DISC1: variants seen among roughly 807,000 people sequenced by gnomAD.
The protein encoded by DISC1 is DISC1 scaffold protein.
Under a neutral mutation model 84.5 loss-of-function variants are expected in DISC1, and 57 were observed. That is an observed-to-expected ratio of 0.67 (90% CI 0.55 to 0.84). The LOEUF is 0.84. Ranked by LOEUF, DISC1 falls within the 40% of genes least tolerant of loss-of-function variation. The pLI is 0.00. For synonymous variants in DISC1, 411 were observed against 415.2 expected (o/e 0.99, Z 0.12); for missense variants, 1,000 against 1,057.8 (o/e 0.95, Z 0.76).
intron 6 of DISC1, among the ~76,000 whole-genome samples, chr1:231,783,959 A>T (rs140399819): frequency 6.6e-6 from 1 of 152,170 alleles, no homozygotes; most frequent in East Asian, 1.9e-4. Flanking sequence ...AAAAGGGTTC[A>T]TGGTCTTATA....
intron 6 of DISC1, among the ~76,000 whole-genome samples, chr1:231,791,674 G>A (rs2078363885): frequency 6.6e-6 from 1 of 152,138 alleles, no homozygotes; most frequent in African/African-American, 2.4e-5. Flanking sequence ...CTAGGGTAAG[G>A]CATAATTTCA....
At chr1:231,816,026 A>C (rs1034158824) in intron 8 of DISC1, among the ~76,000 whole-genome samples, 4 of 152,166 alleles carry the variant, frequency 2.6e-5, no homozygotes, top group African/African-American at 9.7e-5. Context: ...TATACATTGA[A>C]CTTTATGAGA....
At chr1:231,931,588 A>G (rs921200304) in intron 9 of DISC1, among the ~76,000 whole-genome samples, 5 of 151,768 alleles carry the variant, frequency 3.3e-5, no homozygotes, top group Non-Finnish European at 7.4e-5. Flanking sequence ...CTGACACATG[A>G]TGACCCTATC....
chr1:231,927,235 A>G (rs1344015425), intron 9 of DISC1, among the ~76,000 whole-genome samples: 1 of 152,204 alleles, frequency 6.6e-6, no homozygotes, highest in African/African-American at 2.4e-5. Flanking sequence ...ATTTATAGCC[A>G]TGTATTGGCT....
intron 9 of DISC1, among the ~76,000 whole-genome samples, chr1:231,912,828 C>T (rs191315109): frequency 3.2e-4 from 48 of 149,014 alleles, no homozygotes; most frequent in African/African-American, 9.6e-4. Flanking sequence ...TGCTTCCTTC[C>T]TTTCTTCTTC....
At chr1:231,878,106 T>C (rs1305808363) in intron 9 of DISC1, among the ~76,000 whole-genome samples, 3 of 152,256 alleles carry the variant, frequency 2.0e-5, no homozygotes, top group Admixed American at 2.0e-4. Context: ...TTTATTAATA[T>C]TTATTAAGCA....
At chr1:231,632,620 A>G (rs1433807716) in intron 1 of DISC1, among the ~76,000 whole-genome samples, 2 of 152,260 alleles carry the variant, frequency 1.3e-5, no homozygotes, top group Non-Finnish European at 2.9e-5. Flanking sequence ...AAACAGCAGC[A>G]GAGTGATTGT....
At chr1:232,033,891 T>A (rs16856299) in intron 12 of DISC1, among the ~76,000 whole-genome samples, 4,651 of 152,304 alleles carry the variant, frequency 0.031, 248 homozygotes, top group African/African-American at 0.1. Flanking sequence ...GTCACTACTT[T>A]GTCCTCCTGA....
chr1:231,829,315 G>A (rs997778108), intron 9 of DISC1, among the ~76,000 whole-genome samples: 14 of 152,074 alleles, frequency 9.2e-5, no homozygotes, highest in African/African-American at 3.4e-4. Flanking sequence ...TTTAATTCAT[G>A]CCTTGTTTTT....
At chr1:231,934,869 T>C (rs1299788633) in intron 9 of DISC1, among the ~76,000 whole-genome samples, 2 of 152,186 alleles carry the variant, frequency 1.3e-5, no homozygotes, top group Admixed American at 1.3e-4. Context: ...TTCTGGATTG[T>C]GCTTCCTCCA....
At position 231,946,932 on chromosome 1, in the gene DISC1, A is replaced by C. The variant is rs138088037; in HGVS notation, c.1982-11896A>C. Among the ~76,000 whole-genome samples the C allele has an allele frequency of 4.0e-3, 612 of 152,322 alleles. 6 individuals are homozygous for C. The highest frequency in any genetic ancestry group is 0.013 in the African/African-American group (532 of 41,576). ...AAGGACCTCTTCAAGGAAAACTACAAACCACTGCTCAAGGAAATAAGAGAG... is the reference window on the plus strand; with the variant it reads ...AAGGACCTCTTCAAGGAAAACTACACACCACTGCTCAAGGAAATAAGAGAG... On this transcript the variant is annotated intron_variant, in intron 9 of 12. Transcript: ENST00000439617.
At position 231,962,878 on chromosome 1, in the gene DISC1, C is replaced by T. The variant is rs1660576779; in HGVS notation, c.2042+3990C>T. Among the ~76,000 whole-genome samples the T allele has an allele frequency of 1.3e-5, 2 of 152,204 alleles. 1 individual carries two copies. The highest frequency in any genetic ancestry group is 4.1e-4 in the South Asian group (2 of 4,834). On this transcript the variant is annotated intron_variant, in intron 10 of 12. Transcript: ENST00000439617. ...CGGGCACCATGGGCTCATGCTGGCT[C>T]ACCAGCCTCCTTTCTCACTCAGTTC...
intron 10 of DISC1, among the ~76,000 whole-genome samples, chr1:231,992,749 A>G (rs1456728970): frequency 6.6e-6 from 1 of 152,194 alleles, no homozygotes; most frequent in Non-Finnish European, 1.5e-5. Flanking sequence ...ATTTTACCCT[A>G]TTAATCTTTA....
chr1:231,794,908 T>C (rs184985657), intron 6 of DISC1, among the ~76,000 whole-genome samples: 60 of 152,258 alleles, frequency 3.9e-4, no homozygotes, highest in Non-Finnish European at 5.9e-4. Context: ...GTGTAGACCT[T>C]CCTTCTGGGA....
At chr1:231,649,130 T>C (rs2125264857) in intron 1 of DISC1, among the ~76,000 whole-genome samples, 1 of 152,346 alleles carries the variant, frequency 6.6e-6, no homozygotes, top group Admixed American at 6.5e-5. Flanking sequence ...GCTTCTCTAG[T>C]TCTTTTAATT....
intron 3 of DISC1, among the ~76,000 whole-genome samples, chr1:231,740,728 T>C (rs942974359): frequency 2.0e-5 from 3 of 152,238 alleles, no homozygotes; most frequent in Non-Finnish European, 2.9e-5. Flanking sequence ...CCCAAGCCTA[T>C]ACATGAAATT....
At chr1:231,842,071 C>G (rs2083115893) in intron 9 of DISC1, among the ~76,000 whole-genome samples, 1 of 152,104 alleles carries the variant, frequency 6.6e-6, no homozygotes, top group African/African-American at 2.4e-5. Flanking sequence ...GCAACCATGA[C>G]TCACTGCATC....
At chr1:231,874,831 A>G (rs1158143756) in intron 9 of DISC1, among the ~76,000 whole-genome samples, 2 of 151,640 alleles carry the variant, frequency 1.3e-5, no homozygotes, top group Non-Finnish European at 2.9e-5. Flanking sequence ...GAATGGCGTG[A>G]ACTGGAGAGG....
chr1:231,648,727 A>G (rs1204017128), intron 1 of DISC1, among the ~76,000 whole-genome samples: 1 of 152,132 alleles, frequency 6.6e-6, no homozygotes, highest in African/African-American at 2.4e-5. Context: ...TATTGCCTCA[A>G]TTTCAGATCC....
Sources: allele counts gnomAD v4.1 joint callset (sites outside exome capture counted in the v4.1 genomes callset), GRCh38; gene constraint gnomAD v4.1.1; transcripts MANE v1.5; gene names NCBI Gene and HGNC (gene_info 2026-07-23, HGNC 2026-07-21).